The following KCNMA1 variants were observed in gnomAD, a reference collection of about 807,000 sequenced individuals.
KCNMA1 encodes Calcium-activated potassium channel subunit alpha-1.
A neutral mutation model predicts 140.0 loss-of-function variants in KCNMA1; 29 were observed. The ratio of observed to expected loss-of-function variants is 0.21; its 90% CI spans 0.15 to 0.28. KCNMA1 has a LOEUF of 0.28. KCNMA1 is among the 10% of genes least tolerant of loss of function. The probability of loss-of-function intolerance (pLI) is 1.00; values close to 1 mark genes in which losing one functional copy is unlikely to be tolerated. For synonymous variants in KCNMA1, 612 were observed against 611.9 expected, an observed-to-expected ratio of 1.00 and a Z score of 0.00; for missense variants, 880 against 1,602.2, an observed-to-expected ratio of 0.55 and a Z score of 7.70.
At chr10:77,328,744 T>A (rs1029573877) in intron 2 of KCNMA1, among the ~76,000 whole-genome samples, 27 of 152,178 alleles carry the variant, frequency 1.8e-4, no homozygotes, top group Non-Finnish European at 3.1e-4. Context: ...TTCTGAGACA[T>A]TTCCAAGGAG....
chr10:77,579,738 T>C (rs1487923405), intron 1 of KCNMA1, among the ~76,000 whole-genome samples: 1 of 152,122 alleles, frequency 6.6e-6, no homozygotes, highest in Non-Finnish European at 1.5e-5. Flanking sequence ...GAAGGTGTTA[T>C]TCCAGAGGCT....
rs376502137 is a variant in KCNMA1 at position 77,339,956 on chromosome 10, T to C, written c.540+63906A>G. ...GGGAATCCTGACATCCTACAGACAC[T>C]ATCTTGACATGATGTAGCAGCAGCA... On this transcript the variant is annotated intron_variant, in intron 2 of 27. Coordinates refer to ENST00000286628, the MANE Select transcript of KCNMA1 (RefSeq NM_001161352.2). Among the ~76,000 whole-genome samples the C allele has an allele frequency of 2.2e-4, 33 of 152,320 alleles. No homozygotes were observed. In the East Asian group the frequency reaches 2.5e-3, roughly 12 times the overall value.
intron 19 of KCNMA1, among the ~76,000 whole-genome samples, chr10:76,984,215 G>C (rs868837897): frequency 6.9e-6 from 1 of 144,800 alleles, no homozygotes; most frequent in South Asian, 2.2e-4. Flanking sequence ...TTTTTTTTGA[G>C]ACGGAGTCTC....
At chr10:76,964,865 G>A (rs1432545998) in intron 20 of KCNMA1, among the ~76,000 whole-genome samples, 1 of 152,138 alleles carries the variant, frequency 6.6e-6, no homozygotes, top group Non-Finnish European at 1.5e-5. Flanking sequence ...CTCCCATTCA[G>A]GAAACTAATG....
chr10:77,015,595 G>A (rs139052425), intron 17 of KCNMA1, among the ~76,000 whole-genome samples: 31 of 152,028 alleles, frequency 2.0e-4, no homozygotes, highest in African/African-American at 6.5e-4. Context: ...AGATCCAACC[G>A]CCTTATGATA....
At chr10:76,970,242 G>A (rs1166226708) in intron 19 of KCNMA1, 175 bp from the exon 20 acceptor site, 6 of 629,622 alleles carry the variant, frequency 9.5e-6, no homozygotes, top group Non-Finnish European at 1.8e-5. Context: ...CCGGCTTAGA[G>A]AAGGTGAAGG....
intron 1 of KCNMA1, among the ~76,000 whole-genome samples, chr10:77,506,571 TAGAGAGAGAG>T (rs72516981): frequency 1.1e-3 from 83 of 78,064 alleles, no homozygotes; most frequent in Middle Eastern, 6.8e-3. Context: ...GAGATGTTCC[TAGAGAGAGAG>T]AGAGAGAGAG....
Position 77,123,097 on chromosome 10 carries a change from G to A in KCNMA1, c.809-2049C>T, listed in dbSNP as rs1020265278. On this transcript the variant is annotated intron_variant, in intron 5 of 27. Transcript: ENST00000286628. Reference sequence around the variant, plus strand: ...CGGGAGGCTGAGGCAGGAGAATGGCGTGTACCCGGGAGGCGGAGCTTGCAG... The same window carrying A: ...CGGGAGGCTGAGGCAGGAGAATGGCATGTACCCGGGAGGCGGAGCTTGCAG... Among the ~76,000 whole-genome samples, 12 of 146,034 alleles carry A rather than the reference G, an allele frequency of 8.2e-5. No individual in the cohort carries two copies. In the South Asian group the frequency reaches 1.1e-3, roughly 13 times the overall value.
chr10:77,119,639 G>T (rs964100114), intron 6 of KCNMA1, among the ~76,000 whole-genome samples: 13 of 152,222 alleles, frequency 8.5e-5, no homozygotes, highest in African/African-American at 3.1e-4. Context: ...AGAAATCAAG[G>T]TTATTGGCAA....
At chr10:76,957,805 T>G (rs530471546) in intron 20 of KCNMA1, among the ~76,000 whole-genome samples, 80 of 152,296 alleles carry the variant, frequency 5.3e-4, no homozygotes, top group Non-Finnish European at 1.0e-3. Context: ...ATGGCTCCAG[T>G]AAGGGCCAGC....
Position 76,886,606 on chromosome 10 carries a change from G to T in KCNMA1, c.*660C>A, listed in dbSNP as rs200953585. Reference sequence around the variant, plus strand: ...AAATGTTCATAAGAACTCCCAGAGGGAACTGGCTCTGGGACAAAAGGCCTT... The same window carrying T: ...AAATGTTCATAAGAACTCCCAGAGGTAACTGGCTCTGGGACAAAAGGCCTT... On this transcript the variant is annotated 3_prime_UTR_variant, in exon 28 of 28. Transcript: ENST00000286628. 4 of 988,316 alleles carry T rather than the reference G, an allele frequency of 4.0e-6. No individual in the cohort carries two copies. The highest frequency in any genetic ancestry group is 4.8e-6 in the Non-Finnish European group (4 of 831,654). 61.2% of individuals were successfully genotyped at this position (988,316 alleles called of 1,614,324 possible). A position where few individuals can be genotyped will look rare whatever the true frequency, so the allele number is the denominator to read the frequency against.
chr10:77,328,681 C>A (rs1294209769), intron 2 of KCNMA1, among the ~76,000 whole-genome samples: 1 of 152,144 alleles, frequency 6.6e-6, no homozygotes, highest in Non-Finnish European at 1.5e-5. Flanking sequence ...TCTTCTGATG[C>A]AAATGGTATC....
intron 2 of KCNMA1, among the ~76,000 whole-genome samples, chr10:77,282,439 T>C (rs1195549960): frequency 2.0e-5 from 3 of 152,326 alleles, no homozygotes; most frequent in Middle Eastern, 6.8e-3. Flanking sequence ...ATGACTCTTA[T>C]TCTTCCTCCT....
At chr10:77,080,766 G>A (rs2096545668) in intron 12 of KCNMA1, among the ~76,000 whole-genome samples, 1 of 152,066 alleles carries the variant, frequency 6.6e-6, no homozygotes, top group Admixed American at 6.5e-5. Context: ...ACACCCTAGG[G>A]ACTAGCCCAG....
At chr10:77,603,814 G>A (rs1206427335) in intron 1 of KCNMA1, among the ~76,000 whole-genome samples, 1 of 152,202 alleles carries the variant, frequency 6.6e-6, no homozygotes, top group Non-Finnish European at 1.5e-5. Flanking sequence ...GGCTCTCAGT[G>A]ATTCTAAGTG....
chr10:77,524,481 A>C (rs138088759), intron 1 of KCNMA1, among the ~76,000 whole-genome samples: 7 of 152,324 alleles, frequency 4.6e-5, no homozygotes, highest in Admixed American at 4.6e-4. Flanking sequence ...AAGAAGAAGA[A>C]TATTCCCTTC....
At chr10:77,581,848 T>C (rs2075978129) in intron 1 of KCNMA1, among the ~76,000 whole-genome samples, 1 of 152,226 alleles carries the variant, frequency 6.6e-6, no homozygotes, top group Non-Finnish European at 1.5e-5. Flanking sequence ...AAGAAGCACA[T>C]GCTCCTCAAT....
intron 3 of KCNMA1, among the ~76,000 whole-genome samples, chr10:77,247,758 A>G (rs1196762808): frequency 6.6e-6 from 1 of 152,120 alleles, no homozygotes; most frequent in Non-Finnish European, 1.5e-5. Context: ...AGGCACTAAC[A>G]TGATGTCTGA....
At chr10:77,409,604 C>T (rs4633404) in intron 1 of KCNMA1, among the ~76,000 whole-genome samples, 22,178 of 152,134 alleles carry the variant, frequency 0.15, 1,638 homozygotes, top group Middle Eastern at 0.22. Context: ...GTGAGGGTCA[C>T]GACAAGGGCT....
Sources: gnomAD v4.1 joint callset for allele counts (sites outside exome capture counted in the v4.1 genomes callset) on GRCh38, gnomAD v4.1.1 for gene constraint, MANE v1.5 for transcripts, NCBI Gene and HGNC (gene_info 2026-07-23, HGNC 2026-07-21) for gene names.